RDX: variants seen among roughly 807,000 people sequenced by gnomAD.
The protein encoded by RDX is radixin.
Under a neutral mutation model 83.7 loss-of-function variants are expected in RDX, and 32 were observed. The ratio of observed to expected loss-of-function variants is 0.38; its 90% CI spans 0.29 to 0.51. The LOEUF (loss-of-function observed/expected upper bound fraction) is 0.51. Ranked by LOEUF, RDX falls within the 20% of genes least tolerant of loss-of-function variation. The probability of loss-of-function intolerance (pLI) is 0.87; values close to 1 mark genes in which losing one functional copy is unlikely to be tolerated. For synonymous variants in RDX, 229 were observed against 222.7 expected, an observed-to-expected ratio of 1.03 and a Z score of -0.25; for missense variants, 600 against 689.9, an observed-to-expected ratio of 0.87 and a Z score of 1.46.
rs1354378698 is a variant in RDX at position 110,229,542 on chromosome 11, T to A, written c.*2327A>T. 7 of 152,606 alleles carry A rather than the reference T, an allele frequency of 4.6e-5. 1 individual carries two copies. In the East Asian group the frequency reaches 7.7e-4, roughly 17 times the overall value. The allele number at this position is 152,606 out of a possible 1,614,324, so 9.5% of individuals were successfully genotyped here. On this transcript the variant is annotated 3_prime_UTR_variant, in exon 14 of 14. Coordinates refer to ENST00000645495, the MANE Select transcript of RDX (RefSeq NM_002906.4). ...ATTGTACAACACAAAATTATGCTAA[T>A]GGTAAAAGCCTACTGGGATTTACCA...
At chr11:110,204,577 C>T (rs1369651060) in intron 14 of RDX, among the ~76,000 whole-genome samples, 10 of 140,648 alleles carry the variant, frequency 7.1e-5, no homozygotes, top group African/African-American at 2.1e-4. Flanking sequence ...AGTGCAATGG[C>T]GCAAACTCGG....
Position 110,237,472 on chromosome 11 carries a change from C to T in RDX, c.1251+20G>A. 1 of 1,610,552 alleles carries T rather than the reference C, an allele frequency of 6.2e-7. No homozygotes were observed. Among genetic ancestry groups the T allele is most frequent in the East Asian group, 2.2e-5 (1 of 44,838 alleles). ...TATGCTTTTATTTAAACTTTTTTCT[C>T]TAAGAAGACAGTTCCTTACTAGCTG... On this transcript the variant is annotated intron_variant, in intron 11 of 13. Transcript: ENST00000645495.
At chr11:110,237,467 T>C in intron 11 of RDX, 25 bp downstream of exon 11, 3 of 1,609,956 alleles carry the variant, frequency 1.9e-6, no homozygotes, top group Non-Finnish European at 2.5e-6. Flanking sequence ...TTTAAACTTT[T>C]TTCTCTAAGA....
intron 14 of RDX, among the ~76,000 whole-genome samples, chr11:110,205,932 A>G (rs1263122696): frequency 1.3e-5 from 2 of 152,178 alleles, no homozygotes; most frequent in Non-Finnish European, 1.5e-5. Flanking sequence ...ATCTGTGGCT[A>G]TATTGTTTAA....
At chr11:110,269,239 A>G (rs1216355393) in intron 3 of RDX, among the ~76,000 whole-genome samples, 1 of 152,118 alleles carries the variant, frequency 6.6e-6, no homozygotes, top group African/African-American at 2.4e-5. Flanking sequence ...TGGCCTCCCA[A>G]AGTGCTGGGA....
intron 1 of RDX, among the ~76,000 whole-genome samples, chr11:110,284,748 C>T (rs1316081099): frequency 6.6e-6 from 1 of 152,012 alleles, no homozygotes; most frequent in East Asian, 1.9e-4. Context: ...TGGTCTCGAT[C>T]TCCTGACCTC....
At chr11:110,179,903 C>CTTTTTTTTTTTTTTT (rs528601645) in intron 15 of RDX, 45 of 364,540 alleles carry the variant, frequency 1.2e-4, no homozygotes, top group East Asian at 2.4e-4. Flanking sequence ...TTTCTTTTTT[C>CTTTTTTTTTTTTTTT]TTTTTTTTTT....
rs1281542549 is a variant in RDX at position 110,184,694 on chromosome 11, G to A, written c.*32-9460C>T. Among the ~76,000 whole-genome samples, 6 of 152,312 alleles carry A rather than the reference G, an allele frequency of 3.9e-5. No individual in the cohort carries two copies. The South Asian group carries it at 6.2e-4, about 16-fold the overall frequency. On this transcript the variant is annotated intron_variant, in intron 15 of 15. Coordinates refer to the RDX transcript ENST00000528498. ...ACTTGTTGCAGGTGGGAGGCGGGGT[G>A]TGCAGCGGGCAGCCCACTCACAGAG...
chr11:110,185,790 A>AACTATGGCATGGAAGAGCAT, intron 15 of RDX, among the ~76,000 whole-genome samples: 1 of 152,272 alleles, frequency 6.6e-6, no homozygotes, highest in South Asian at 2.1e-4. Flanking sequence ...GCCTCTGTGA[A>AACTATGGCATGGAAGAGCAT]ACTATGGCAT....
chr11:110,242,569 T>C lies in RDX; in HGVS notation c.1091-4917A>G, dbSNP rs547833740. On this transcript the variant is annotated intron_variant, in intron 10 of 13. Coordinates refer to ENST00000645495, the MANE Select transcript of RDX (RefSeq NM_002906.4). ...TAAGTCTGGGTTACAAAGTTAAATT[T>C]TGAAACATTCCCCAATATTCATTTT... 8.5e-5 allele frequency among the ~76,000 whole-genome samples: 13 copies of C among 152,282 alleles called. No homozygotes were observed. The South Asian group carries it at 2.3e-3, about 27-fold the overall frequency.
chr11:110,279,121 T>G (rs1860645156), intron 2 of RDX, among the ~76,000 whole-genome samples: 1 of 152,240 alleles, frequency 6.6e-6, no homozygotes, highest in Non-Finnish European at 1.5e-5. Flanking sequence ...TGTTACCATT[T>G]ACTGGGCACT....
chr11:110,215,015 A>C (rs1181299703), intron 14 of RDX, among the ~76,000 whole-genome samples: 5 of 139,376 alleles, frequency 3.6e-5, no homozygotes, highest in Middle Eastern at 3.6e-3. Context: ...AAAAAATAAA[A>C]AAAACATTTA....
intron 14 of RDX, among the ~76,000 whole-genome samples, chr11:110,204,262 C>CA (rs71476072): frequency 0.055 from 6,100 of 110,826 alleles, 172 homozygotes; most frequent in African/African-American, 0.097. Flanking sequence ...TTAAGGTCAG[C>CA]AAAAAAAAAA....
At chr11:110,189,131 A>T (rs1176475145) in intron 15 of RDX, among the ~76,000 whole-genome samples, 1 of 151,726 alleles carries the variant, frequency 6.6e-6, no homozygotes, top group East Asian at 1.9e-4. Flanking sequence ...AATGACACCC[A>T]TAGGTTCAAA....
chr11:110,240,223 C>G (rs1362278350), intron 10 of RDX, among the ~76,000 whole-genome samples: 2 of 152,102 alleles, frequency 1.3e-5, no homozygotes, highest in Admixed American at 6.5e-5. Context: ...TAAATGAAAT[C>G]CTGTCATTTG....
intron 12 of RDX, among the ~76,000 whole-genome samples, chr11:110,235,835 C>T (rs1205458108): frequency 1.3e-5 from 2 of 152,150 alleles, no homozygotes; most frequent in African/African-American, 4.8e-5. Flanking sequence ...TTTTGTACCC[C>T]CAAAATTTAA....
At chr11:110,259,344 T>C (rs1859703679) in intron 5 of RDX, among the ~76,000 whole-genome samples, 1 of 152,242 alleles carries the variant, frequency 6.6e-6, no homozygotes, top group South Asian at 2.1e-4. Context: ...ACTTCTATTC[T>C]CTTTGGCTCA....
chr11:110,198,514 T>C (rs144000850), intron 15 of RDX, among the ~76,000 whole-genome samples: 3 of 152,306 alleles, frequency 2.0e-5, no homozygotes, highest in Non-Finnish European at 4.4e-5. Flanking sequence ...TGAACAAGCA[T>C]TATGGCCTGA....
At chr11:110,214,318 A>G (rs1467689302) in intron 14 of RDX, among the ~76,000 whole-genome samples, 1 of 81,354 alleles carries the variant, frequency 1.2e-5, no homozygotes, top group African/African-American at 5.0e-5. Context: ...TTAGAATGGC[A>G]ATCATTAAAA....
Sources: gnomAD v4.1 joint callset for allele counts (sites outside exome capture counted in the v4.1 genomes callset) on GRCh38, gnomAD v4.1.1 for gene constraint, MANE v1.5 for transcripts, NCBI Gene and HGNC (gene_info 2026-07-23, HGNC 2026-07-21) for gene names.